PTGER3: variants seen among roughly 807,000 people sequenced by gnomAD.
The protein encoded by PTGER3 is prostaglandin E receptor 3.
In PTGER3, 22 loss-of-function variants were observed where a neutral mutation model predicts 34.7. The observed-to-expected ratio is 0.63, with a 90% CI of 0.45 to 0.91. PTGER3 has a LOEUF of 0.91. Ranked by LOEUF, PTGER3 falls within the 40% of genes least tolerant of loss-of-function variation. The pLI is 0.00. For missense variants in PTGER3, 468 were observed against 519.4 expected (o/e 0.90, Z 0.96); for synonymous variants, 241 against 230.1 (o/e 1.05, Z -0.43).
At chr1:70,994,764 ATTT>A (rs1322924815) in intron 2 of PTGER3, among the ~76,000 whole-genome samples, 1 of 152,062 alleles carries the variant, frequency 6.6e-6, no homozygotes, top group Admixed American at 6.6e-5. Flanking sequence ...CCAAAACTTA[ATTT>A]TTATAAACTA....
chr1:70,894,429 G>A (rs1646683909), intron 4 of PTGER3, among the ~76,000 whole-genome samples: 1 of 151,104 alleles, frequency 6.6e-6, no homozygotes, highest in South Asian at 2.1e-4. Context: ...AAGTCTGCCA[G>A]AAAACTACAT....
chr1:70,853,980 GAATT>G (rs1364938692), intron 4 of PTGER3, among the ~76,000 whole-genome samples: 1 of 152,068 alleles, frequency 6.6e-6, no homozygotes, highest in Non-Finnish European at 1.5e-5. Flanking sequence ...AACTCAAAAT[GAATT>G]AAAGACCTAG....
intron 1 of PTGER3, among the ~76,000 whole-genome samples, chr1:71,030,850 A>G (rs1315181107): frequency 6.6e-6 from 1 of 151,788 alleles, no homozygotes; most frequent in Non-Finnish European, 1.5e-5. Context: ...TTTTTTTACT[A>G]TTCTCAATCA....
rs5689 is a variant in PTGER3, at chr1:71,009,964, A to G, written c.1077+2341T>C. The G allele has an allele frequency of 3.6e-3, 3,572 of 985,158 alleles. 106 individuals carry two copies. In the African/African-American group the frequency reaches 0.059, roughly 16 times the overall value. 61.0% of individuals were successfully genotyped at this position (985,158 alleles called of 1,614,324 possible). ...TTCATTTCTTATCAGGTTTCCCCAT[A>G]CTAACGAATGCCTAGATAATAAAAC... On this transcript the variant is annotated intron_variant, in intron 2 of 3. Coordinates refer to ENST00000306666, the MANE Select transcript of PTGER3 (RefSeq NM_198719.2).
intron 2 of PTGER3, among the ~76,000 whole-genome samples, chr1:70,957,808 T>C (rs1366113844): frequency 6.6e-6 from 1 of 152,174 alleles, no homozygotes; most frequent in Non-Finnish European, 1.5e-5. Flanking sequence ...TCCTGTATAA[T>C]TTAACGTTGC....
At chr1:70,965,095 A>G (rs1392253582) in intron 2 of PTGER3, among the ~76,000 whole-genome samples, 1 of 152,192 alleles carries the variant, frequency 6.6e-6, no homozygotes. Context: ...TGTAGATAGA[A>G]CAGCATATGA....
At chr1:70,977,830 C>T (rs1044535647) in intron 2 of PTGER3, among the ~76,000 whole-genome samples, 2 of 152,002 alleles carry the variant, frequency 1.3e-5, no homozygotes, top group Admixed American at 6.6e-5. Flanking sequence ...CAAGTGCAGT[C>T]GAATGTTTTG....
intron 2 of PTGER3, among the ~76,000 whole-genome samples, chr1:70,998,077 C>T (rs1041161632): frequency 2.6e-5 from 4 of 152,214 alleles, no homozygotes; most frequent in East Asian, 1.9e-4. Context: ...CTTCTTAGTC[C>T]GCCCTTCAGG....
chr1:70,967,094 A>G (rs149185319), downstream of PTGER3, among the ~76,000 whole-genome samples: 16 of 152,230 alleles, frequency 1.1e-4, no homozygotes, highest in African/African-American at 3.9e-4. Context: ...CATGTTAAAA[A>G]AAATACAGAT....
intron 4 of PTGER3, among the ~76,000 whole-genome samples, chr1:70,917,441 G>A (rs7528872): frequency 0.071 from 9,813 of 137,382 alleles, 473 homozygotes; most frequent in East Asian, 0.15. Context: ...GTGTGTGTGT[G>A]TATACAATCA....
chr1:71,020,327 T>A (rs1363035186), intron 1 of PTGER3, among the ~76,000 whole-genome samples: 1 of 152,228 alleles, frequency 6.6e-6, no homozygotes, highest in South Asian at 2.1e-4. Flanking sequence ...TAAGATTTTT[T>A]AAAACAACAA....
At chr1:70,891,236 A>G (rs1646610240) in intron 4 of PTGER3, among the ~76,000 whole-genome samples, 1 of 152,216 alleles carries the variant, frequency 6.6e-6, no homozygotes, top group African/African-American at 2.4e-5. Flanking sequence ...CAGTCATCAC[A>G]CAGGCACTCA....
At chr1:70,954,877 TG>T (rs1458924809) in intron 2 of PTGER3, among the ~76,000 whole-genome samples, 1 of 151,922 alleles carries the variant, frequency 6.6e-6, no homozygotes, top group Non-Finnish European at 1.5e-5. Context: ...CTACTGAAAA[TG>T]AAATTAAAGT....
At chr1:71,019,936 G>A (rs1223122273) in intron 1 of PTGER3, among the ~76,000 whole-genome samples, 1 of 152,114 alleles carries the variant, frequency 6.6e-6, no homozygotes, top group Admixed American at 6.6e-5. Flanking sequence ...ATTTTTATCT[G>A]CGATGTTTTG....
In PTGER3 at chr1:70,971,687, G is replaced by T; in HGVS notation, c.*43C>A. 1 of 1,552,030 alleles carries T rather than the reference G, an allele frequency of 6.4e-7. No homozygotes were observed. The stretch of plus-strand genomic sequence containing the variant: ...AGGTGGGAAGAAATATGCAAATTCA[G>T]GGAAGCAGGAATTGCAATAAAATGT... On this transcript the variant is annotated 3_prime_UTR_variant, in exon 4 of 4. Coordinates refer to ENST00000306666, the MANE Select transcript of PTGER3 (RefSeq NM_198719.2).
chr1:71,029,669 T>C (rs1659232715), intron 1 of PTGER3, among the ~76,000 whole-genome samples: 1 of 152,110 alleles, frequency 6.6e-6, no homozygotes, highest in African/African-American at 2.4e-5. Flanking sequence ...CTCACACCTG[T>C]AATCCCAGTA....
intron 4 of PTGER3, among the ~76,000 whole-genome samples, chr1:70,875,893 T>G (rs892090962): frequency 1.3e-5 from 2 of 152,178 alleles, no homozygotes; most frequent in African/African-American, 4.8e-5. Context: ...AGTGCTGCAA[T>G]AGACATACGC....
chr1:70,934,713 G>A (rs897526781), intron 4 of PTGER3, among the ~76,000 whole-genome samples: 3 of 152,128 alleles, frequency 2.0e-5, no homozygotes, highest in African/African-American at 7.2e-5. Context: ...CTACCTCAAT[G>A]TGAAGATATA....
At chr1:70,908,601 C>T (rs1646998302) in intron 4 of PTGER3, among the ~76,000 whole-genome samples, 1 of 152,194 alleles carries the variant, frequency 6.6e-6, no homozygotes, top group South Asian at 2.1e-4. Flanking sequence ...GACTTTCCTC[C>T]ACCATCTAAA....
Sources: allele counts gnomAD v4.1 joint callset (sites outside exome capture counted in the v4.1 genomes callset), GRCh38; gene constraint gnomAD v4.1.1; transcripts MANE v1.5; gene names NCBI Gene and HGNC (gene_info 2026-07-23, HGNC 2026-07-21).